Variants in VAV1 observed in about 807,000 individuals in gnomAD.
VAV1 encodes the protein proto-oncogene vav.
Under a neutral mutation model 128.1 loss-of-function variants are expected in VAV1, and 33 were observed. That is an observed-to-expected ratio of 0.26 (90% confidence interval 0.20 to 0.34). The LOEUF is 0.34. Among genes scored for constraint, VAV1 ranks in the 10% least tolerant of loss-of-function variants. The pLI, the probability that VAV1 is intolerant of heterozygous loss-of-function variation, is 1.00. For synonymous variants in VAV1, 394 were observed against 409.8 expected, an observed-to-expected ratio of 0.96 and a Z score of 0.47; for missense variants, 715 against 1,093.7, an observed-to-expected ratio of 0.65 and a Z score of 4.88.
chr19:6,857,145 C>A lies in VAV1; in HGVS notation c.*38C>A. 6.2e-7 allele frequency: 1 copy of A among 1,613,282 alleles called. No individual in the cohort carries two copies. The highest frequency in any genetic ancestry group is 1.1e-5 in the South Asian group (1 of 91,022). ...TGGCAGAGAGACGAGAAACTCCAGG[C>A]TCTGAGCCCGGCGTGGGCAGGCAGC... On this transcript the variant is annotated 3_prime_UTR_variant, in exon 27 of 27. Transcript: ENST00000602142.
intron 21 of VAV1, among the ~76,000 whole-genome samples, 183 bp from the exon 22 acceptor site, chr19:6,842,952 G>T (rs1191062442): frequency 6.6e-6 from 1 of 152,128 alleles, no homozygotes; most frequent in Non-Finnish European, 1.5e-5. Flanking sequence ...TATGATACTG[G>T]GGCAGTCTCT....
intron 1 of VAV1, among the ~76,000 whole-genome samples, chr19:6,805,950 C>G (rs912652280): frequency 1.3e-5 from 2 of 152,104 alleles, no homozygotes; most frequent in African/African-American, 4.8e-5. Context: ...CCTCAACTTC[C>G]TCCCGTCTAA....
intron 21 of VAV1, among the ~76,000 whole-genome samples, chr19:6,841,637 G>A (rs550486635): frequency 6.6e-6 from 1 of 151,884 alleles, no homozygotes; most frequent in African/African-American, 2.4e-5. Flanking sequence ...ACCACGCCCG[G>A]CTAATTTTTT....
chr19:6,851,799 A>C (rs1280815316), intron 24 of VAV1, among the ~76,000 whole-genome samples: 1 of 152,194 alleles, frequency 6.6e-6, no homozygotes, highest in Non-Finnish European at 1.5e-5. Context: ...AAAGAAAATC[A>C]GAATGTTGCA....
intron 1 of VAV1, among the ~76,000 whole-genome samples, chr19:6,818,287 C>T (rs552896127): frequency 2.4e-4 from 37 of 152,332 alleles, no homozygotes; most frequent in African/African-American, 8.9e-4. Flanking sequence ...AAGGAACTTT[C>T]TTCTGGATAT....
intron 1 of VAV1, among the ~76,000 whole-genome samples, chr19:6,799,507 G>A (rs962862452): frequency 2.0e-5 from 3 of 152,062 alleles, no homozygotes; most frequent in Non-Finnish European, 2.9e-5. Flanking sequence ...GAACGTGCAG[G>A]TTTGTTACAT....
chr19:6,781,962 T>C (rs1298571501), intron 1 of VAV1, among the ~76,000 whole-genome samples: 7 of 152,202 alleles, frequency 4.6e-5, no homozygotes. Flanking sequence ...GCTAGCTTTG[T>C]GGTCTTGGAG....
At chr19:6,841,678 G>C (rs1652527502) in intron 21 of VAV1, among the ~76,000 whole-genome samples, 1 of 151,480 alleles carries the variant, frequency 6.6e-6, no homozygotes, top group South Asian at 2.1e-4. Context: ...GTTTTGCCAT[G>C]TTGGTCAGGC....
At chr19:6,855,539 C>T (rs1240340716) in intron 26 of VAV1, among the ~76,000 whole-genome samples, 1 of 152,114 alleles carries the variant, frequency 6.6e-6, no homozygotes, top group Non-Finnish European at 1.5e-5. Context: ...ACTCACGCAT[C>T]TATCTAACCA....
rs1019026237 is a variant in VAV1 at position 6,777,035 on chromosome 19, G to A, written c.204+4024G>A. On this transcript the variant is annotated intron_variant, in intron 1 of 26. Transcript: ENST00000602142. The surrounding 1 kb of genome is among the most constrained non-coding windows in gnomAD (Gnocchi z 4.4). ...CTTCCAAAGTGCTGGGATTACAGGT[G>A]TGAGCCATACGCCCGGCCCATCCAT... is the stretch of plus-strand genomic sequence containing the variant. Among the ~76,000 whole-genome samples, 2 of 151,232 alleles carry A rather than the reference G, an allele frequency of 1.3e-5. No individual in the cohort carries two copies. Among genetic ancestry groups the A allele is most frequent in the African/African-American group, 4.9e-5 (2 of 41,152 alleles).
rs375845100 is a variant in VAV1 at position 6,780,594 on chromosome 19, C to T, written c.204+7583C>T. Among the ~76,000 whole-genome samples, 31 of 136,110 alleles carry T rather than the reference C, an allele frequency of 2.3e-4. 1 individual carries two copies. Among genetic ancestry groups the T allele is most frequent in the African/African-American group, 7.9e-4 (29 of 36,664 alleles). 89.3% of individuals were successfully genotyped at this position (136,110 alleles called of 152,430 possible). On this transcript the variant is annotated intron_variant, in intron 1 of 26. Coordinates refer to ENST00000602142, the MANE Select transcript of VAV1 (RefSeq NM_005428.4). ...TTTTCTTTTTTTTTTTTTTTTGGGACGGAGTCTCACTCTATTCCTCAGGCT... is the reference window on the plus strand; with the variant it reads ...TTTTCTTTTTTTTTTTTTTTTGGGATGGAGTCTCACTCTATTCCTCAGGCT...
intron 1 of VAV1, among the ~76,000 whole-genome samples, chr19:6,817,245 G>A (rs1321513875): frequency 6.6e-6 from 1 of 151,474 alleles, no homozygotes; most frequent in Non-Finnish European, 1.5e-5. Flanking sequence ...GGTATTTTTA[G>A]TAGAAATGGG....
At chr19:6,832,844 G>C (rs117857922) in intron 15 of VAV1, among the ~76,000 whole-genome samples, 1 of 151,846 alleles carries the variant, frequency 6.6e-6, no homozygotes, top group Non-Finnish European at 1.5e-5. Flanking sequence ...GTGTATGATC[G>C]CATGGCATTT....
intron 24 of VAV1, among the ~76,000 whole-genome samples, chr19:6,852,724 G>A (rs28571162): frequency 0.22 from 30,788 of 141,554 alleles, 6,163 homozygotes; most frequent in African/African-American, 0.54. Flanking sequence ...CCGTCTCAAA[G>A]AAAAAAAAAA....
intron 21 of VAV1, among the ~76,000 whole-genome samples, chr19:6,842,749 G>T (rs964266175): frequency 1.3e-5 from 2 of 152,022 alleles, no homozygotes; most frequent in Non-Finnish European, 2.9e-5. Flanking sequence ...TGAGAGGATC[G>T]CTTGAACCTG....
At chr19:6,799,558 C>A (rs1031391111) in intron 1 of VAV1, among the ~76,000 whole-genome samples, 1 of 152,050 alleles carries the variant, frequency 6.6e-6, no homozygotes, top group South Asian at 2.1e-4. Flanking sequence ...ATCCATCAAC[C>A]CATCATCTAC....
rs56343733 is a variant in VAV1 at position 6,857,132 on chromosome 19, G to A, written c.*25G>A. The A allele has an allele frequency of 2.2e-4, 351 of 1,613,780 alleles. 5 individuals carry two copies. The East Asian group carries it at 7.2e-3, about 33-fold the overall frequency. On this transcript the variant is annotated 3_prime_UTR_variant, in exon 27 of 27. Coordinates refer to ENST00000602142, the MANE Select transcript of VAV1 (RefSeq NM_005428.4). ...AGCCCTGGTGCCTTGGCAGAGAGAC[G>A]AGAAACTCCAGGCTCTGAGCCCGGC...
At chr19:6,810,389 T>A (rs994777460) in intron 1 of VAV1, among the ~76,000 whole-genome samples, 6 of 152,116 alleles carry the variant, frequency 3.9e-5, no homozygotes, top group African/African-American at 1.4e-4. Flanking sequence ...GTTCCTGGCT[T>A]GTAGACGATC....
At chr19:6,806,585 C>G (rs2144740688) in intron 1 of VAV1, among the ~76,000 whole-genome samples, 1 of 152,234 alleles carries the variant, frequency 6.6e-6, no homozygotes, top group Middle Eastern at 3.4e-3. Context: ...TGCAGTTGCT[C>G]CAGACCGCCT....
Sources: gnomAD v4.1 joint callset for allele counts (sites outside exome capture counted in the v4.1 genomes callset) on GRCh38, gnomAD v4.1.1 for gene constraint, Gnocchi (gnomAD v3.1) non-coding constraint, MANE v1.5 for transcripts, NCBI Gene and HGNC (gene_info 2026-07-23, HGNC 2026-07-21) for gene names.